FGGY: variants seen among roughly 807,000 people sequenced by gnomAD.
The protein encoded by FGGY is FGGY carbohydrate kinase domain containing.
FGGY carries 72 observed loss-of-function variants against 71.3 expected under a neutral mutation model. The ratio of observed to expected loss-of-function variants is 1.01; its 90% CI spans 0.84 to 1.23. The LOEUF is 1.23. Among genes scored for constraint, FGGY ranks in the 50% most tolerant of loss-of-function variants. The pLI, the probability that FGGY is intolerant of heterozygous loss-of-function variation, is 0.00. For missense variants in FGGY, 668 were observed against 682.3 expected (o/e 0.98, Z 0.23); for synonymous variants, 251 against 250.3 (o/e 1.00, Z -0.02).
intron 9 of FGGY, among the ~76,000 whole-genome samples, chr1:59,609,189 T>G (rs1284938409): frequency 6.6e-6 from 1 of 152,112 alleles, no homozygotes; most frequent in Non-Finnish European, 1.5e-5. Context: ...TAATGGCAAA[T>G]AGTCCAGAAG....
intron 12 of FGGY, among the ~76,000 whole-genome samples, chr1:59,664,374 C>T (rs2097304848): frequency 6.6e-6 from 1 of 152,172 alleles, no homozygotes; most frequent in Admixed American, 6.5e-5. Flanking sequence ...AAATTCCAGC[C>T]GACAATACCA....
At chr1:59,517,334 C>T (rs1479160812) in intron 7 of FGGY, among the ~76,000 whole-genome samples, 3 of 136,204 alleles carry the variant, frequency 2.2e-5, no homozygotes, top group Admixed American at 1.6e-4. Flanking sequence ...GGCGGGATCT[C>T]GGCTCACTGC....
At chr1:59,410,805 T>A (rs915312876) in intron 5 of FGGY, among the ~76,000 whole-genome samples, 17 of 152,174 alleles carry the variant, frequency 1.1e-4, no homozygotes, top group Non-Finnish European at 1.5e-5. Flanking sequence ...TAAAAAATAT[T>A]ATAATGTGTT....
At chr1:59,585,835 C>T (rs1390523451) in intron 8 of FGGY, among the ~76,000 whole-genome samples, 1 of 151,918 alleles carries the variant, frequency 6.6e-6, no homozygotes, top group Non-Finnish European at 1.5e-5. Context: ...AAAAAAACCC[C>T]ATCAACAATT....
chr1:59,490,209 C>A lies in FGGY; in HGVS notation c.671-22102C>A, dbSNP rs535966469. Among the ~76,000 whole-genome samples, 17 of 152,178 alleles carry A rather than the reference C, an allele frequency of 1.1e-4. No individual in the cohort carries two copies. In the South Asian group the frequency reaches 3.1e-3, roughly 28 times the overall value. On this transcript the variant is annotated intron_variant, in intron 6 of 15. Coordinates refer to ENST00000303721, the MANE Select transcript of FGGY (RefSeq NM_018291.5). ...GAGACTACAGATGCACACCACCATACCCACCTAATTAAAAAAAATTTTTTT... is the reference window on the plus strand; with the variant it reads ...GAGACTACAGATGCACACCACCATAACCACCTAATTAAAAAAAATTTTTTT...
At position 59,507,684 on chromosome 1, in the gene FGGY, A is replaced by ATTTTTTTTTTTT. The variant is rs561953004; in HGVS notation, c.671-4615_671-4604dup. ...AGGCAACTGCAACCATGCTTGGCTA[A>ATTTTTTTTTTTT]TTTTTTTTTTTTTTTTTTTTTTTGT... On this transcript the variant is annotated intron_variant, in intron 6 of 15. Coordinates refer to ENST00000303721, the MANE Select transcript of FGGY (RefSeq NM_018291.5). Among the ~76,000 whole-genome samples, 274 of 106,836 alleles carry ATTTTTTTTTTTT rather than the reference A, an allele frequency of 2.6e-3. 1 individual carries two copies. The highest frequency in any genetic ancestry group is 3.0e-3 in the African/African-American group (73 of 24,594). 70.1% of individuals were successfully genotyped at this position (106,836 alleles called of 152,430 possible).
chr1:59,633,050 A>G (rs2096922984), intron 10 of FGGY, among the ~76,000 whole-genome samples: 1 of 135,174 alleles, frequency 7.4e-6, no homozygotes, highest in Admixed American at 8.4e-5. Flanking sequence ...TCGCACTTTC[A>G]CCCAGGCTGG....
At chr1:59,635,485 A>C (rs760478765) in intron 10 of FGGY, among the ~76,000 whole-genome samples, 4 of 151,966 alleles carry the variant, frequency 2.6e-5, no homozygotes, top group Non-Finnish European at 5.9e-5. Flanking sequence ...GATGTCTGAA[A>C]CCAAATGCCC....
chr1:59,472,099 G>A (rs1406775457), intron 6 of FGGY, among the ~76,000 whole-genome samples: 1 of 152,232 alleles, frequency 6.6e-6, no homozygotes, highest in African/African-American at 2.4e-5. Context: ...GCCGGAGCCG[G>A]CCCCCTCAGC....
At chr1:59,499,650 A>G (rs1219554838) in intron 6 of FGGY, among the ~76,000 whole-genome samples, 2 of 152,206 alleles carry the variant, frequency 1.3e-5, no homozygotes, top group African/African-American at 4.8e-5. Flanking sequence ...GTTTAAGAAC[A>G]TAGTCGTATT....
chr1:59,345,717 G>GAAA (rs35234505), intron 3 of FGGY, among the ~76,000 whole-genome samples: 4,575 of 142,842 alleles, frequency 0.032, 125 homozygotes, highest in African/African-American at 0.069. Context: ...ACCAAATGAG[G>GAAA]AAAAAAAAAA....
chr1:59,738,508 A>G (rs2098123350), intron 14 of FGGY, among the ~76,000 whole-genome samples: 1 of 152,248 alleles, frequency 6.6e-6, no homozygotes, highest in African/African-American at 2.4e-5. Context: ...CAGAATGGCC[A>G]CCTGGAGTCA....
chr1:59,502,362 G>C (rs1438714249), intron 6 of FGGY, among the ~76,000 whole-genome samples: 2 of 152,222 alleles, frequency 1.3e-5, no homozygotes, highest in Non-Finnish European at 2.9e-5. Context: ...TTGGATTGTA[G>C]AGGAAAGAGT....
chr1:59,740,728 A>C (rs1244670214), intron 14 of FGGY, among the ~76,000 whole-genome samples: 2 of 152,236 alleles, frequency 1.3e-5, no homozygotes, highest in Non-Finnish European at 2.9e-5. Context: ...TGCCTCTAAC[A>C]GCCCACTTAA....
intron 5 of FGGY, among the ~76,000 whole-genome samples, chr1:59,383,614 C>T (rs889654914): frequency 2.0e-5 from 3 of 152,072 alleles, no homozygotes; most frequent in African/African-American, 7.2e-5. Flanking sequence ...AACCTTAAGT[C>T]TCATAAGAAA....
At chr1:59,339,665 G>A (rs1570621583) in intron 2 of FGGY, among the ~76,000 whole-genome samples, 3 of 151,892 alleles carry the variant, frequency 2.0e-5, no homozygotes, top group Admixed American at 2.0e-4. Flanking sequence ...GGGTTTCACT[G>A]TGTTGGCCAG....
At chr1:59,758,824 G>A (rs2098316794) in intron 15 of FGGY, among the ~76,000 whole-genome samples, 1 of 152,194 alleles carries the variant, frequency 6.6e-6, no homozygotes, top group Non-Finnish European at 1.5e-5. Context: ...ATAGAATTGG[G>A]TAGGGGGAGG....
chr1:59,709,565 G>C (rs2097779522), intron 14 of FGGY, among the ~76,000 whole-genome samples: 1 of 151,922 alleles, frequency 6.6e-6, no homozygotes. Context: ...ACCCAGTCCA[G>C]GCCAAGAATG....
At chr1:59,650,429 C>T (rs1185348177) in intron 11 of FGGY, among the ~76,000 whole-genome samples, 6 of 114,928 alleles carry the variant, frequency 5.2e-5, no homozygotes, top group African/African-American at 2.7e-4. Flanking sequence ...AATTTCAGAG[C>T]CTGTTATTGG....
Sources: gnomAD v4.1 joint callset for allele counts (sites outside exome capture counted in the v4.1 genomes callset) on GRCh38, gnomAD v4.1.1 for gene constraint, MANE v1.5 for transcripts, NCBI Gene and HGNC (gene_info 2026-07-23, HGNC 2026-07-21) for gene names.